Variants in CARM1 observed in about 807,000 individuals in gnomAD.
The protein encoded by CARM1 is coactivator associated arginine methyltransferase 1.
CARM1 carries 14 observed loss-of-function variants against 72.7 expected under a neutral mutation model. That is an observed-to-expected ratio of 0.19 (90% CI 0.13 to 0.30). The LOEUF (loss-of-function observed/expected upper bound fraction) is 0.30. Among genes scored for constraint, CARM1 ranks in the 10% least tolerant of loss-of-function variants. The pLI, the probability that CARM1 is intolerant of heterozygous loss-of-function variation, is 1.00. For missense variants in CARM1, 432 were observed against 833.7 expected, an observed-to-expected ratio of 0.52 and a Z score of 5.93; for synonymous variants, 333 against 345.5, an observed-to-expected ratio of 0.96 and a Z score of 0.40.
At chr19:10,881,133 TC>T (rs1413500613) in intron 1 of CARM1, among the ~76,000 whole-genome samples, 2 of 152,082 alleles carry the variant, frequency 1.3e-5, no homozygotes, top group Non-Finnish European at 2.9e-5. Flanking sequence ...ACCACTGCAC[TC>T]CATCCCGGGA....
At chr19:10,873,482 G>A (rs1018699777) in intron 1 of CARM1, among the ~76,000 whole-genome samples, 6 of 151,384 alleles carry the variant, frequency 4.0e-5, no homozygotes, top group Admixed American at 2.6e-4. Flanking sequence ...CCAGCTACTC[G>A]GGAGGCAGAG....
chr19:10,906,486 G>A (rs1056895435), intron 2 of CARM1, among the ~76,000 whole-genome samples: 1 of 151,962 alleles, frequency 6.6e-6, no homozygotes. Flanking sequence ...ACGGAGTCTC[G>A]CTCTGTCACC....
chr19:10,890,912 GTGTGCTATGAC>G (rs2145201316), intron 1 of CARM1, among the ~76,000 whole-genome samples: 1 of 149,206 alleles, frequency 6.7e-6, no homozygotes, highest in Admixed American at 6.8e-5. Flanking sequence ...CGAGGCTGCA[GTGTGCTATGAC>G]TGGGCGGGCC....
In CARM1 at chr19:10,920,731, G is replaced by A. The variant is rs1327911753; in HGVS notation, c.1407G>A (p.Leu469=). The A allele has an allele frequency of 1.2e-6, 2 of 1,614,140 alleles. No individual in the cohort carries two copies. The highest frequency in any genetic ancestry group is 1.7e-5 in the Admixed American group (1 of 60,024). Residue 469 remains leucine, a synonymous_variant, in exon 12 of 16, where the codon CTG becomes CTA. Transcript: ENST00000327064. This position sits in a 1 kb window ranked among gnomAD's most constrained non-coding sequence, Gnocchi z 5.3. The part of the protein sequence containing the change: ...TGSKSSNLLD[L]KNPFFRYTGT... The stretch of plus-strand genomic sequence containing the variant: ...CCAAGTCCAGTAACCTCCTGGATCT[G>A]AAAAACCCCTTCTTTAGGTAGGAGG...
chr19:10,895,059 C>CT (rs1280828376), intron 1 of CARM1, among the ~76,000 whole-genome samples: 6 of 151,976 alleles, frequency 3.9e-5, no homozygotes, highest in Admixed American at 6.6e-5. Flanking sequence ...TCCTTATTCT[C>CT]TATCTGCCAA....
In CARM1 at chr19:10,923,041, G is replaced by C; in HGVS notation, c.*1284G>C. On this transcript the variant is annotated 3_prime_UTR_variant, in exon 16 of 16. Coordinates refer to ENST00000327064, the MANE Select transcript of CARM1 (RefSeq NM_199141.2). The stretch of plus-strand genomic sequence containing the variant: ...TATATAAATTCTCTGAATCACCTTT[G>C]CATAGAAAATAAAAGTGTTTGCTTT... 2 of 443,712 alleles carry C rather than the reference G, an allele frequency of 4.5e-6. No homozygotes were observed. The highest frequency in any genetic ancestry group is 7.9e-6 in the Non-Finnish European group (2 of 252,152). The allele number at this position is 443,712 out of a possible 1,614,324, so 27.5% of individuals were successfully genotyped here.
chr19:10,920,040 G>C lies in CARM1; in HGVS notation c.1196+74G>C, dbSNP rs1308526838. 43 of 1,181,130 alleles carry C rather than the reference G, an allele frequency of 3.6e-5. No homozygotes were observed. The highest frequency in any genetic ancestry group is 5.4e-5 in the Non-Finnish European group (43 of 798,308). 73.2% of individuals were successfully genotyped at this position (1,181,130 alleles called of 1,614,324 possible). A position where few individuals can be genotyped will look rare whatever the true frequency, so the allele number is the denominator to read the frequency against. ...TTCCTGCAGCTGCAACCTGGCTGGG[G>C]GGGTGGAACATGGCTCCAGGTTCCA... On this transcript the variant is annotated intron_variant, in intron 10 of 15. Transcript: ENST00000327064. This position sits in a 1 kb window ranked among gnomAD's most constrained non-coding sequence, Gnocchi z 5.3.
Position 10,871,846 on chromosome 19 carries a change from GC to G in CARM1, c.145del (p.Arg49GlyfsTer76). On this transcript the variant is annotated frameshift_variant, in exon 1 of 16. Coordinates refer to ENST00000327064, the MANE Select transcript of CARM1 (RefSeq NM_199141.2). LOFTEE classifies it high-confidence loss of function. The surrounding 1 kb of genome is among the most constrained non-coding windows in gnomAD (Gnocchi z 5.6). The stretch of plus-strand genomic sequence containing the variant: ...TCGGCGACGCGAACGGCGAGATCCA[GC>G]GGCACGCGGAGCAGCAGGCGCTGCG... Reference protein sequence around the residue: ...TIGDANGEIQRHAEQQALRLE... With the variant: ...TIGDANGEIQXHAEQQALRLE... 7.7e-7 allele frequency: 1 copy of G among 1,297,796 alleles called. No homozygotes were observed. The highest frequency in any genetic ancestry group is 2.0e-5 in the South Asian group (1 of 51,072). The allele number at this position is 1,297,796 out of a possible 1,614,324, so 80.4% of individuals were successfully genotyped here.
intron 1 of CARM1, among the ~76,000 whole-genome samples, chr19:10,872,582 C>A (rs1199550304): frequency 6.6e-6 from 1 of 152,064 alleles, no homozygotes; most frequent in Non-Finnish European, 1.5e-5. Flanking sequence ...TTCCTGATGC[C>A]GGGCTTCGAA....
intron 1 of CARM1, among the ~76,000 whole-genome samples, chr19:10,882,913 G>A (rs1371650419): frequency 2.0e-5 from 3 of 152,110 alleles, no homozygotes; most frequent in Non-Finnish European, 4.4e-5. Context: ...GGTCTAGGGA[G>A]CACCTTGAAG....
Position 10,921,633 on chromosome 19 carries a change from G to A in CARM1, c.1703G>A (p.Gly568Asp). ...GIVQGSSGAQ[G>D]SGGGSTSAHY... ...TCCACAGGGTCCTCCGGCGCCCAGGGCAGTGGTGGTGGCAGCACGAGTGCC... is the reference window on the plus strand; with the variant it reads ...TCCACAGGGTCCTCCGGCGCCCAGGACAGTGGTGGTGGCAGCACGAGTGCC... The change falls in exon 16 of 16, where the codon GGC (glycine) becomes GAC (aspartate). Residue 568 changes from glycine (G) to aspartate (D), a missense_variant. By Grantham distance (94) the Gly-to-Asp change is moderately conservative. Around this residue, in one of 3 missense-constraint regions of CARM1, gnomAD observed 142 missense variants for 188.7 expected, o/e 0.75. Coordinates refer to ENST00000327064, the MANE Select transcript of CARM1 (RefSeq NM_199141.2). The A allele has an allele frequency of 6.2e-7, 1 of 1,612,912 alleles. No individual in the cohort carries two copies. Among genetic ancestry groups the A allele is most frequent in the Non-Finnish European group, 8.5e-7 (1 of 1,179,414 alleles).
intron 1 of CARM1, 42 bp from the exon 2 acceptor site, chr19:10,904,909 G>T: frequency 6.3e-7 from 1 of 1,598,632 alleles, no homozygotes; most frequent in South Asian, 1.1e-5. Context: ...GAAGGCAGCT[G>T]ACAGGGCTGC....
intron 5 of CARM1, 71 bp from the exon 6 acceptor site, chr19:10,913,806 G>A: frequency 6.7e-7 from 1 of 1,492,772 alleles, no homozygotes. Flanking sequence ...GCTGTCCCTT[G>A]AGAGCAGGTC....
chr19:10,889,592 G>A (rs1403021350), intron 1 of CARM1, among the ~76,000 whole-genome samples: 1 of 151,234 alleles, frequency 6.6e-6, no homozygotes, highest in African/African-American at 2.4e-5. Context: ...GCCTCCCAAA[G>A]TGCTGGGATT....
In CARM1 at chr19:10,921,907, G is replaced by A. The variant is rs190843802; in HGVS notation, c.*150G>A. ...TGGGAACTGGGACACTTTTTTACAC[G>A]ATGTTGCCGCCGTCCCCACCCTAAC... On this transcript the variant is annotated 3_prime_UTR_variant, in exon 16 of 16. Transcript: ENST00000327064. 2.1e-4 allele frequency: 162 copies of A among 753,690 alleles called. 2 individuals carry two copies. The East Asian group carries it at 4.4e-3, about 20-fold the overall frequency. 46.7% of individuals were successfully genotyped at this position (753,690 alleles called of 1,614,324 possible). A position where few individuals can be genotyped will look rare whatever the true frequency, so the allele number is the denominator to read the frequency against.
At chr19:10,882,501 G>A (rs780760423) in intron 1 of CARM1, among the ~76,000 whole-genome samples, 3 of 150,714 alleles carry the variant, frequency 2.0e-5, no homozygotes, top group Non-Finnish European at 4.4e-5. Context: ...TGCCCAAGTC[G>A]GACACAGCCC....
chr19:10,875,413 C>T (rs1038416328), intron 1 of CARM1, among the ~76,000 whole-genome samples: 2 of 151,712 alleles, frequency 1.3e-5, no homozygotes, highest in African/African-American at 4.8e-5. Flanking sequence ...CCTCCCACCT[C>T]AGCTGTTCTT....
At chr19:10,872,051 C>T in intron 1 of CARM1, 129 bp downstream of exon 1, 1 of 796,042 alleles carries the variant, frequency 1.3e-6, no homozygotes, top group Non-Finnish European at 1.6e-6. Context: ...GAGCCGGTGG[C>T]CTGCAGGGAG....
chr19:10,873,711 C>T (rs1167472940), intron 1 of CARM1, among the ~76,000 whole-genome samples: 1 of 128,528 alleles, frequency 7.8e-6, no homozygotes, highest in African/African-American at 3.0e-5. Context: ...TCAATCTCGG[C>T]TCACTGCAAG....
Sources: gnomAD v4.1 joint callset for allele counts (sites outside exome capture counted in the v4.1 genomes callset) on GRCh38, gnomAD v4.1.1 for gene constraint, gnomAD v4.1.1 regional missense constraint, Gnocchi (gnomAD v3.1) non-coding constraint, MANE v1.5 for transcripts, NCBI Gene and HGNC (gene_info 2026-07-23, HGNC 2026-07-21) for gene names.